FNTB: variants seen among roughly 807,000 people sequenced by gnomAD.
FNTB encodes the protein protein farnesyltransferase subunit beta.
Under a neutral mutation model 59.4 loss-of-function variants are expected in FNTB, and 27 were observed. The ratio of observed to expected loss-of-function variants is 0.45; its 90% CI spans 0.34 to 0.63. The LOEUF (loss-of-function observed/expected upper bound fraction) is 0.63, where lower values mean the gene tolerates loss of function less well. Ranked by LOEUF, FNTB falls within the 20% of genes least tolerant of loss-of-function variation. The pLI, the probability that FNTB is intolerant of heterozygous loss-of-function variation, is 0.02. For synonymous variants in FNTB, 230 were observed against 220.7 expected (o/e 1.04, Z -0.37); for missense variants, 449 against 559.6 (o/e 0.80, Z 1.99).
intron 2 of FNTB, among the ~76,000 whole-genome samples, chr14:65,008,292 G>C (rs3783721): frequency 0.25 from 37,933 of 152,064 alleles, 4,913 homozygotes; most frequent in Non-Finnish European, 0.3. Flanking sequence ...GCCCAGGTTT[G>C]GGGGGAGGAA....
At position 65,027,900 on chromosome 14, in the gene FNTB, T is replaced by A. The variant is rs2062013064; in HGVS notation, c.605+119T>A. On this transcript the variant is annotated intron_variant, in intron 6 of 11. Transcript: ENST00000246166. The surrounding 1 kb of genome is among the most constrained non-coding windows in gnomAD (Gnocchi z 5.7). ...TGCTGCTTTGTCCCAGAATGACACATGGGATGACATGTCAGTGACACGTCA... is the reference window on the plus strand; with the variant it reads ...TGCTGCTTTGTCCCAGAATGACACAAGGGATGACATGTCAGTGACACGTCA... The A allele has an allele frequency of 7.8e-7, 1 of 1,289,746 alleles. No homozygotes were observed. Among genetic ancestry groups the A allele is most frequent in the South Asian group, 1.3e-5 (1 of 75,782 alleles). 79.9% of individuals were successfully genotyped at this position (1,289,746 alleles called of 1,614,324 possible).
At position 65,012,031 on chromosome 14, in the gene FNTB, C is replaced by T. The variant is rs1426855004; in HGVS notation, c.210-286C>T. The T allele has an allele frequency of 2.3e-5, 8 of 347,622 alleles. No individual in the cohort carries two copies. Among genetic ancestry groups the T allele is most frequent in the East Asian group, 1.7e-4 (3 of 17,338 alleles). 21.5% of individuals were successfully genotyped at this position (347,622 alleles called of 1,614,324 possible). A position where few individuals can be genotyped will look rare whatever the true frequency, so the allele number is the denominator to read the frequency against. On this transcript the variant is annotated intron_variant, in intron 2 of 11. Transcript: ENST00000246166. This position sits in a 1 kb window ranked among gnomAD's most constrained non-coding sequence, Gnocchi z 5.0. ...CTGTCATTGCCTGGCTGCGTGTGCT[C>T]ATTGCGGCTTTTCCGTTAGCCCAAA...
chr14:65,006,094 C>G (rs1414722117), intron 2 of FNTB: 40 of 1,561,176 alleles, frequency 2.6e-5, no homozygotes, highest in Non-Finnish European at 3.4e-5. Context: ...AAGTCAGTCT[C>G]TAGGTACTTC....
chr14:65,042,605 G>A (rs1158328974), intron 8 of FNTB, among the ~76,000 whole-genome samples: 1 of 152,216 alleles, frequency 6.6e-6, no homozygotes, highest in African/African-American at 2.4e-5. Context: ...GCCTGGCATG[G>A]TCTGGGGGTT....
In FNTB at chr14:64,994,806, A is replaced by C. The variant is rs1888332568; in HGVS notation, c.144+7709A>C. 6.6e-6 allele frequency among the ~76,000 whole-genome samples: 1 copy of C among 152,184 alleles called. No homozygotes were observed. On this transcript the variant is annotated intron_variant, in intron 1 of 11. Coordinates refer to ENST00000246166, the MANE Select transcript of FNTB (RefSeq NM_002028.4). The surrounding 1 kb of genome is among the most constrained non-coding windows in gnomAD (Gnocchi z 4.2). ...AAACACTGTACACTTGTTACTGAGCAGACATTATGAAAAATAAAAATAAAC... is the reference window on the plus strand; with the variant it reads ...AAACACTGTACACTTGTTACTGAGCCGACATTATGAAAAATAAAAATAAAC...
At chr14:65,033,096 CA>C (rs1163787202) in intron 7 of FNTB, among the ~76,000 whole-genome samples, 1 of 152,106 alleles carries the variant, frequency 6.6e-6, no homozygotes, top group Non-Finnish European at 1.5e-5. Flanking sequence ...AAGCTGAAAG[CA>C]GATTCAGTGC....
rs746183083 is a variant in FNTB, at chr14:65,054,641, C to G, written c.1134C>G (p.Ser378Arg). The G allele has an allele frequency of 2.5e-6, 4 of 1,613,538 alleles. No homozygotes were observed. Among genetic ancestry groups the G allele is most frequent in the Non-Finnish European group, 3.4e-6 (4 of 1,179,832 alleles). Residue 378 changes from serine (S) to arginine (R), a missense_variant, in exon 11 of 12, where the codon AGC (serine) becomes AGG (arginine). By Grantham distance (110) the Ser-to-Arg change is moderately radical. Transcript: ENST00000246166. This position sits in a 1 kb window ranked among gnomAD's most constrained non-coding sequence, Gnocchi z 4.4. ...SGLSIAQHFG[S>R]GAMLHDVVLG... Reference sequence around the variant, plus strand: ...TGTCCATAGCCCAGCACTTCGGCAGCGGAGCCATGTTGCATGATGTGGTCC... The same window carrying G: ...TGTCCATAGCCCAGCACTTCGGCAGGGGAGCCATGTTGCATGATGTGGTCC...
chr14:65,052,179 A>G (rs1183620333), intron 9 of FNTB, among the ~76,000 whole-genome samples: 1 of 152,168 alleles, frequency 6.6e-6, no homozygotes, highest in Non-Finnish European at 1.5e-5. Context: ...ATGTCCACTT[A>G]ATGAAATACT....
At position 65,059,915 on chromosome 14, in the gene FNTB, C is replaced by T. The variant is rs1003897703; in HGVS notation, c.1183-1266C>T. On this transcript the variant is annotated intron_variant, in intron 11 of 11. Coordinates refer to ENST00000246166, the MANE Select transcript of FNTB (RefSeq NM_002028.4). The stretch of plus-strand genomic sequence containing the variant: ...GTGGCACAATCTTGGCTCACTGCAA[C>T]CTCCGCCTCCCGGGTTCAAGCAATT... Among the ~76,000 whole-genome samples the T allele has an allele frequency of 1.1e-4, 16 of 148,942 alleles. No homozygotes were observed. In the South Asian group the frequency reaches 3.2e-3, roughly 30 times the overall value.
Position 65,037,587 on chromosome 14 carries a change from G to A in FNTB, c.693-3203G>A, listed in dbSNP as rs1030103321. ...CTGTGACTACAGGCATCCACCATCC[G>A]CTAATTTTTTAAATTTTTGTAGAGA... is the stretch of plus-strand genomic sequence containing the variant. On this transcript the variant is annotated intron_variant, in intron 7 of 11. Transcript: ENST00000246166. 4.7e-5 allele frequency among the ~76,000 whole-genome samples: 7 copies of A among 148,378 alleles called. No homozygotes were observed. In the East Asian group the frequency reaches 5.8e-4, roughly 12 times the overall value.
Position 64,990,186 on chromosome 14 carries a change from CT to C in FNTB, c.144+3092del, listed in dbSNP as rs1282854788. ...AGGGTCTCATTGGCCTTTGGAAGTA[CT>C]TTAAAATACCCTGACTGAGATGGAG... On this transcript the variant is annotated intron_variant, in intron 1 of 11. Transcript: ENST00000246166. This position sits in a 1 kb window ranked among gnomAD's most constrained non-coding sequence, Gnocchi z 5.2. Among the ~76,000 whole-genome samples the C allele has an allele frequency of 6.6e-6, 1 of 152,152 alleles. No individual in the cohort carries two copies. Among genetic ancestry groups the C allele is most frequent in the Non-Finnish European group, 1.5e-5 (1 of 68,028 alleles).
rs952206250 is a variant in FNTB at position 65,027,168 on chromosome 14, C to A, written c.375-285C>A. The stretch of plus-strand genomic sequence containing the variant: ...GTGTGGGAAGCACGGGAGACTCTTA[C>A]CCCATAGCTACGAAAGTCGGTTTCT... On this transcript the variant is annotated intron_variant, in intron 4 of 11. Coordinates refer to ENST00000246166, the MANE Select transcript of FNTB (RefSeq NM_002028.4). This position sits in a 1 kb window ranked among gnomAD's most constrained non-coding sequence, Gnocchi z 5.7. Among the ~76,000 whole-genome samples the A allele has an allele frequency of 1.3e-5, 2 of 152,206 alleles. No individual in the cohort carries two copies. Among genetic ancestry groups the A allele is most frequent in the Admixed American group, 6.5e-5 (1 of 15,276 alleles).
At chr14:65,002,277 G>T (rs903376017) in intron 1 of FNTB, among the ~76,000 whole-genome samples, 1 of 152,182 alleles carries the variant, frequency 6.6e-6, no homozygotes, top group African/African-American at 2.4e-5. Flanking sequence ...ACCACATTGT[G>T]TCCACAACCA....
intron 4 of FNTB, among the ~76,000 whole-genome samples, chr14:65,021,715 A>G (rs915873648): frequency 1.3e-5 from 2 of 152,112 alleles, no homozygotes; most frequent in African/African-American, 4.8e-5. Context: ...GTGCAATCTC[A>G]GCTCACTGCA....
intron 2 of FNTB, among the ~76,000 whole-genome samples, chr14:65,005,261 G>T (rs915761335): frequency 2.6e-5 from 4 of 152,192 alleles, no homozygotes; most frequent in Admixed American, 1.3e-4. Flanking sequence ...TTCTCTTCCA[G>T]TGTTTTGTAA....
rs888615637 is a variant in FNTB, at chr14:64,997,594, C to T, written c.145-6655C>T. Among the ~76,000 whole-genome samples the T allele has an allele frequency of 5.9e-5, 9 of 152,310 alleles. No individual in the cohort carries two copies. Among genetic ancestry groups the T allele is most frequent in the African/African-American group, 7.2e-5 (3 of 41,580 alleles). ...GTCTGTGCAGCAAGCTGGAAGAACCCGTTGGGCGGTTACAAAATGAGTAAA... is the reference window on the plus strand; with the variant it reads ...GTCTGTGCAGCAAGCTGGAAGAACCTGTTGGGCGGTTACAAAATGAGTAAA... On this transcript the variant is annotated intron_variant, in intron 1 of 11. Transcript: ENST00000246166. This position sits in a 1 kb window ranked among gnomAD's most constrained non-coding sequence, Gnocchi z 4.5.
At chr14:65,025,437 T>C (rs1356950925) in intron 4 of FNTB, among the ~76,000 whole-genome samples, 1 of 152,212 alleles carries the variant, frequency 6.6e-6, no homozygotes, top group African/African-American at 2.4e-5. Flanking sequence ...TAACTATTTG[T>C]TTCTGGGAAA....
In FNTB at chr14:65,023,181, C is replaced by T. The variant is rs1385944100; in HGVS notation, c.375-4272C>T. On this transcript the variant is annotated intron_variant, in intron 4 of 11. Transcript: ENST00000246166. This position sits in a 1 kb window ranked among gnomAD's most constrained non-coding sequence, Gnocchi z 4.1. ...TCAAGTGATCCTCCCACCTCAGCCT[C>T]CTGAGTAGCTGGGGCTAGAGGTGGG... Among the ~76,000 whole-genome samples, 1 of 152,138 alleles carries T rather than the reference C, an allele frequency of 6.6e-6. No homozygotes were observed. The highest frequency in any genetic ancestry group is 2.4e-5 in the African/African-American group (1 of 41,420).
intron 7 of FNTB, among the ~76,000 whole-genome samples, chr14:65,033,255 A>T (rs1488670357): frequency 6.6e-6 from 1 of 152,248 alleles, no homozygotes; most frequent in South Asian, 2.1e-4. Flanking sequence ...CAAAAAAACC[A>T]TACAGATTAG....
Sources: allele counts gnomAD v4.1 joint callset (sites outside exome capture counted in the v4.1 genomes callset), GRCh38; gene constraint gnomAD v4.1.1; non-coding constraint Gnocchi (gnomAD v3.1); transcripts MANE v1.5; gene names NCBI Gene and HGNC (gene_info 2026-07-23, HGNC 2026-07-21).